Variants in OPCML observed in about 807,000 individuals in gnomAD.
OPCML encodes opioid binding protein/cell adhesion molecule like, also known as opioid-binding protein/cell adhesion molecule.
OPCML carries 13 observed loss-of-function variants against 37.8 expected under a neutral mutation model. The ratio of observed to expected loss-of-function variants is 0.34; its 90% confidence interval spans 0.22 to 0.55. The LOEUF (loss-of-function observed/expected upper bound fraction) is 0.55, where lower values mean the gene tolerates loss of function less well. OPCML is among the 20% of genes least tolerant of loss of function. The pLI is 0.91. For synonymous variants in OPCML, 176 were observed against 168.8 expected (o/e 1.04, Z -0.33); for missense variants, 341 against 435.6 (o/e 0.78, Z 1.93).
At chr11:132,725,329 C>G (rs552763937) in intron 2 of OPCML, among the ~76,000 whole-genome samples, 6 of 152,354 alleles carry the variant, frequency 3.9e-5, no homozygotes, top group Non-Finnish European at 5.9e-5. Context: ...ACATTGGCCC[C>G]TTTTAGCCAT....
chr11:133,033,630 G>T (rs1947713381), intron 1 of OPCML, among the ~76,000 whole-genome samples: 1 of 152,128 alleles, frequency 6.6e-6, no homozygotes, highest in African/African-American at 2.4e-5. Context: ...CGTTGAAGCT[G>T]GTGTGCTCAG....
chr11:133,167,752 C>G (rs1950230941), intron 1 of OPCML, among the ~76,000 whole-genome samples: 1 of 152,148 alleles, frequency 6.6e-6, no homozygotes, highest in Non-Finnish European at 1.5e-5. Flanking sequence ...TGCAGCAGTT[C>G]ACTCCAACAC....
chr11:132,703,455 C>G (rs1943910392), intron 2 of OPCML, among the ~76,000 whole-genome samples: 1 of 152,104 alleles, frequency 6.6e-6, no homozygotes, highest in Non-Finnish European at 1.5e-5. Flanking sequence ...ACCATGCTTC[C>G]CTGATATTTG....
chr11:133,257,583 C>T (rs570663657), intron 1 of OPCML, among the ~76,000 whole-genome samples: 1 of 152,318 alleles, frequency 6.6e-6, no homozygotes, highest in African/African-American at 2.4e-5. Flanking sequence ...AGCTACAATA[C>T]TGTGTCCACA....
chr11:132,744,744 A>G (rs926563766), intron 2 of OPCML, among the ~76,000 whole-genome samples: 1 of 152,252 alleles, frequency 6.6e-6, no homozygotes, highest in South Asian at 2.1e-4. Flanking sequence ...GCATGTGCAA[A>G]GTAATACAGT....
intron 2 of OPCML, among the ~76,000 whole-genome samples, chr11:132,829,629 C>A (rs954238331): frequency 1.3e-5 from 2 of 152,156 alleles, no homozygotes; most frequent in Admixed American, 6.5e-5. Flanking sequence ...CCGGTGTTGG[C>A]CTACATTAGC....
chr11:132,614,600 T>C (rs1938872589), intron 3 of OPCML, among the ~76,000 whole-genome samples: 1 of 152,158 alleles, frequency 6.6e-6, no homozygotes, highest in African/African-American at 2.4e-5. Context: ...CTACCCGAAA[T>C]GTAGAATCTT....
At chr11:133,531,018 T>C (rs1184488790) in intron 1 of OPCML, among the ~76,000 whole-genome samples, 1 of 152,226 alleles carries the variant, frequency 6.6e-6, no homozygotes, top group Non-Finnish European at 1.5e-5. Context: ...TTAGCATTCC[T>C]GTCTGTGTAT....
intron 2 of OPCML, among the ~76,000 whole-genome samples, chr11:132,711,845 T>C (rs988011068): frequency 2.6e-5 from 4 of 152,206 alleles, no homozygotes; most frequent in Non-Finnish European, 5.9e-5. Flanking sequence ...CTCTTCCCTA[T>C]TCCTTCCAAT....
chr11:132,654,163 T>C (rs1340126249), intron 3 of OPCML, among the ~76,000 whole-genome samples: 2 of 152,238 alleles, frequency 1.3e-5, no homozygotes, highest in Non-Finnish European at 2.9e-5. Context: ...TAGTGGGGTC[T>C]CTACATCCAC....
intron 1 of OPCML, among the ~76,000 whole-genome samples, chr11:133,042,056 C>T (rs1192205467): frequency 6.6e-6 from 1 of 152,138 alleles, no homozygotes; most frequent in Non-Finnish European, 1.5e-5. Context: ...GTGGGGGGAG[C>T]CTGCTTATTC....
rs1950309185 is a variant in OPCML at position 133,173,049 on chromosome 11, A to G, written c.62-230039T>C. 6.6e-6 allele frequency among the ~76,000 whole-genome samples: 1 copy of G among 152,226 alleles called. No individual in the cohort carries two copies. Among genetic ancestry groups the G allele is most frequent in the South Asian group, 2.1e-4 (1 of 4,822 alleles). On this transcript the variant is annotated intron_variant, in intron 1 of 7. Coordinates refer to ENST00000524381, the MANE Select transcript of OPCML (RefSeq NM_001012393.5). This position sits in a 1 kb window ranked among gnomAD's most constrained non-coding sequence, Gnocchi z 7.8. ...TTAATAATCAAACATCACTTGGACA[A>G]TTCTGAACCAAAGTTATTATTAGTG... is the stretch of plus-strand genomic sequence containing the variant.
At chr11:133,508,261 G>T (rs948172278) in intron 1 of OPCML, among the ~76,000 whole-genome samples, 1 of 152,128 alleles carries the variant, frequency 6.6e-6, no homozygotes, top group Non-Finnish European at 1.5e-5. Flanking sequence ...CTTGGGCTGG[G>T]TTTGGGTACA....
At chr11:132,514,890 C>T (rs550002419) in intron 4 of OPCML, among the ~76,000 whole-genome samples, 1 of 152,274 alleles carries the variant, frequency 6.6e-6, no homozygotes, top group East Asian at 1.9e-4. Context: ...TCTTCACCAG[C>T]AGCACTGGCA....
intron 1 of OPCML, among the ~76,000 whole-genome samples, chr11:133,172,426 C>T (rs993359040): frequency 5.9e-5 from 9 of 152,064 alleles, no homozygotes; most frequent in African/African-American, 2.2e-4. Flanking sequence ...CTGAAGGATG[C>T]AGAGTAGAAA....
chr11:132,485,006 C>T (rs1758763124), intron 4 of OPCML, among the ~76,000 whole-genome samples: 1 of 152,050 alleles, frequency 6.6e-6, no homozygotes, highest in South Asian at 2.1e-4. Flanking sequence ...CAGCATGGCA[C>T]ATGTATACAT....
intron 1 of OPCML, among the ~76,000 whole-genome samples, chr11:133,393,338 C>A (rs1222324662): frequency 6.6e-6 from 1 of 152,154 alleles, no homozygotes; most frequent in Non-Finnish European, 1.5e-5. Flanking sequence ...CTCACAGGAA[C>A]CTAACTGTGT....
chr11:133,509,820 T>C (rs974926455), intron 1 of OPCML, among the ~76,000 whole-genome samples: 1 of 152,208 alleles, frequency 6.6e-6, no homozygotes, highest in Non-Finnish European at 1.5e-5. Context: ...GTACCCTTTC[T>C]ATGTAAGTCT....
intron 1 of OPCML, chr11:133,117,715 G>T: frequency 1.2e-6 from 1 of 861,466 alleles, no homozygotes; most frequent in Non-Finnish European, 1.4e-6. Context: ...AATAAAAAAA[G>T]TATTATCAAC....
Sources: gnomAD v4.1 joint callset for allele counts (sites outside exome capture counted in the v4.1 genomes callset) on GRCh38, gnomAD v4.1.1 for gene constraint, Gnocchi (gnomAD v3.1) non-coding constraint, MANE v1.5 for transcripts, NCBI Gene and HGNC (gene_info 2026-07-23, HGNC 2026-07-21) for gene names.